The following MTSS2 variants were observed in gnomAD, a reference collection of about 807,000 sequenced individuals.
MTSS2 encodes MTSS I-BAR domain containing 2, also known as protein MTSS 2.
In MTSS2, 27 loss-of-function variants were observed where a neutral mutation model predicts 67.1. That is an observed-to-expected ratio of 0.40 (90% CI 0.30 to 0.55). MTSS2 has a LOEUF of 0.55. Ranked by LOEUF, MTSS2 falls within the 20% of genes least tolerant of loss-of-function variation. The pLI is 0.43. For synonymous variants in MTSS2, 624 were observed against 468.6 expected (o/e 1.33, Z -4.28); for missense variants, 1,171 against 1,067.8 (o/e 1.10, Z -1.35).
At chr16:70,683,708 G>C (rs572868995) in intron 1 of MTSS2, among the ~76,000 whole-genome samples, 8 of 152,116 alleles carry the variant, frequency 5.3e-5, no homozygotes, top group Non-Finnish European at 4.4e-5. Flanking sequence ...TGTGGGGCCT[G>C]TGGACTCACT....
At chr16:70,682,793 C>G (rs1298508151) in intron 1 of MTSS2, among the ~76,000 whole-genome samples, 1 of 152,148 alleles carries the variant, frequency 6.6e-6, no homozygotes, top group Admixed American at 6.5e-5. Flanking sequence ...GCCCCAGGAA[C>G]AGCATCCTCA....
rs2052573804 is a variant in MTSS2 at position 70,663,629 on chromosome 16, G to C, written c.*48C>G. ...CTGAGTGCCTGCGGCTCACAGACCA[G>C]GCCACCTGCTCGCACTGGGGCCTGA... On this transcript the variant is annotated 3_prime_UTR_variant, in exon 15 of 15. Coordinates refer to ENST00000338779, the MANE Select transcript of MTSS2 (RefSeq NM_138383.3). 1 of 1,503,990 alleles carries C rather than the reference G, an allele frequency of 6.6e-7. No individual in the cohort carries two copies. Among genetic ancestry groups the C allele is most frequent in the African/African-American group, 1.4e-5 (1 of 71,846 alleles). 93.2% of individuals were successfully genotyped at this position (1,503,990 alleles called of 1,614,324 possible). A position where few individuals can be genotyped will look rare whatever the true frequency, so the allele number is the denominator to read the frequency against.
chr16:70,664,977 G>T lies in MTSS2; in HGVS notation c.1248C>A (p.Gly416=). The T allele has an allele frequency of 6.3e-7, 1 of 1,583,942 alleles. No individual in the cohort carries two copies. ...GTCGCGGTGCCTCTTCCCCGCTGGG[G>T]CCCAGGGTGCCCCCACTGGCAGGGC... ...EPGPASGGTL[G]PSGEEAPRPR... The change falls in exon 13 of 15, where the codon GGC becomes GGA. Residue 416 remains glycine, a synonymous_variant. Coordinates refer to ENST00000338779, the MANE Select transcript of MTSS2 (RefSeq NM_138383.3).
At chr16:70,680,218 C>G (rs2053259730) in intron 3 of MTSS2, among the ~76,000 whole-genome samples, 163 bp from the exon 4 acceptor site, 1 of 151,810 alleles carries the variant, frequency 6.6e-6, no homozygotes, top group Non-Finnish European at 1.5e-5. Context: ...GGGGCCTCCT[C>G]CATCTCCACC....
chr16:70,677,109 C>A, intron 9 of MTSS2, 131 bp from the exon 10 acceptor site: 1 of 676,600 alleles, frequency 1.5e-6, no homozygotes, highest in South Asian at 2.0e-5. Context: ...CCCCCTCCCC[C>A]AGGCTCCTCC....
chr16:70,668,857 T>G (rs763015034), intron 11 of MTSS2, among the ~76,000 whole-genome samples: 9 of 152,214 alleles, frequency 5.9e-5, no homozygotes, highest in Non-Finnish European at 1.2e-4. Context: ...CCTCCAGAAC[T>G]GTGAGCGCTA....
In MTSS2 at chr16:70,674,526, G is replaced by T; in HGVS notation, c.833C>A (p.Ala278Asp). The T allele has an allele frequency of 1.9e-6, 3 of 1,612,430 alleles. No individual in the cohort carries two copies. The highest frequency in any genetic ancestry group is 2.5e-6 in the Non-Finnish European group (3 of 1,179,752). The change falls in exon 11 of 15, where the codon GCC becomes GAC. Residue 278 changes from alanine to aspartate, a missense_variant and splice_region_variant. Around this residue, in one of 2 missense-constraint regions of MTSS2, gnomAD observed 924 missense variants for 756.0 expected, o/e 1.22. Coordinates refer to ENST00000338779, the MANE Select transcript of MTSS2 (RefSeq NM_138383.3). ...CTTGGCACTGCTACTGCTGCTGGGG[G>T]CACTAGGGGAGTGAAGGAAGAGGGC... ...SSSRKSSMCS[A>D]PSSSSSAKGG...
chr16:70,665,832 A>G, intron 11 of MTSS2: 1 of 291,992 alleles, frequency 3.4e-6, no homozygotes, highest in Non-Finnish European at 6.4e-6. Context: ...ATGGCCACCG[A>G]GGGGAAAAAG....
intron 12 of MTSS2, 111 bp downstream of exon 12, chr16:70,665,355 C>T (rs1301705473): frequency 1.3e-5 from 16 of 1,191,546 alleles, no homozygotes; most frequent in East Asian, 2.6e-5. Context: ...GCTGTGTGCA[C>T]GCACCCCTGG....
Position 70,670,083 on chromosome 16 carries a change from C to A in MTSS2, c.1053+4223G>T, listed in dbSNP as rs528071214. ...GTCAGGAGTTTGAGACCTGCCTGGC[C>A]AACATGGCAAAACCCCATCTCTACT... On this transcript the variant is annotated intron_variant, in intron 11 of 14. Transcript: ENST00000338779. Among the ~76,000 whole-genome samples, 74 of 151,732 alleles carry A rather than the reference C, an allele frequency of 4.9e-4. No homozygotes were observed. The South Asian group carries it at 9.0e-3, about 18-fold the overall frequency.
At chr16:70,676,299 G>C (rs1163958631) in intron 10 of MTSS2, among the ~76,000 whole-genome samples, 1 of 152,240 alleles carries the variant, frequency 6.6e-6, no homozygotes, top group Non-Finnish European at 1.5e-5. Context: ...CCTCTCCCCA[G>C]CTGTGTGAGG....
chr16:70,679,425 G>T, intron 6 of MTSS2, 102 bp from the exon 7 acceptor site: 2 of 1,392,256 alleles, frequency 1.4e-6, no homozygotes, highest in Non-Finnish European at 2.0e-6. Flanking sequence ...GGGTGCCTGG[G>T]CCTCCTGCTG....
In MTSS2 at chr16:70,662,568, T is replaced by C. The variant is rs1597791063; in HGVS notation, c.*1109A>G. The C allele has an allele frequency of 6.6e-6, 1 of 152,378 alleles. No homozygotes were observed. The highest frequency in any genetic ancestry group is 1.5e-5 in the Non-Finnish European group (1 of 68,106). The allele number at this position is 152,378 out of a possible 1,614,324, so 9.4% of individuals were successfully genotyped here. On this transcript the variant is annotated 3_prime_UTR_variant, in exon 15 of 15. Transcript: ENST00000338779. ...AGGCCGGGAGCCTCCCAACCTTATT[T>C]TGGCTACGCTCGAGACACTGGAGAG...
Position 70,680,819 on chromosome 16 carries a change from C to G in MTSS2, c.180G>C (p.Val60=), listed in dbSNP as rs1000348016. 98 of 1,552,864 alleles carry G rather than the reference C, an allele frequency of 6.3e-5. No individual in the cohort carries two copies. Among genetic ancestry groups the G allele is most frequent in the Non-Finnish European group, 8.3e-5 (95 of 1,148,874 alleles). The part of the protein sequence containing the change: ...AVAFLDAFQK[V]ADMATNTRGA... Reference sequence around the variant, plus strand: ...CTCGGGTGTTGGTAGCCATGTCAGCCACTTTCTGGAAGGCATCCAGGAAGG... The same window carrying G: ...CTCGGGTGTTGGTAGCCATGTCAGCGACTTTCTGGAAGGCATCCAGGAAGG... Residue 60 remains valine (V), a synonymous_variant, in exon 3 of 15, where the codon GTG becomes GTC. Transcript: ENST00000338779.
At position 70,662,106 on chromosome 16, in the gene MTSS2, C is replaced by T. The variant is rs72792847; in HGVS notation, c.*1571G>A. On this transcript the variant is annotated 3_prime_UTR_variant, in exon 15 of 15. Coordinates refer to ENST00000338779, the MANE Select transcript of MTSS2 (RefSeq NM_138383.3). Reference sequence around the variant, plus strand: ...TCCACATCAGGGCCTGCTTGGTGCCCGGACCTACCCAGGAGCTGCCCAGCT... The same window carrying T: ...TCCACATCAGGGCCTGCTTGGTGCCTGGACCTACCCAGGAGCTGCCCAGCT... 0.16 allele frequency: 24,594 copies of T among 152,074 alleles called. 2,170 individuals are homozygous for T. Among genetic ancestry groups the T allele is most frequent in the South Asian group, 0.2 (985 of 4,812 alleles). 9.4% of individuals were successfully genotyped at this position (152,074 alleles called of 1,614,324 possible). A position where few individuals can be genotyped will look rare whatever the true frequency, so the allele number is the denominator to read the frequency against.
At chr16:70,682,925 T>C (rs2053345544) in intron 1 of MTSS2, among the ~76,000 whole-genome samples, 2 of 152,132 alleles carry the variant, frequency 1.3e-5, no homozygotes, top group Admixed American at 1.3e-4. Flanking sequence ...GGTCAGGACC[T>C]GATCCCATGT....
At position 70,662,199 on chromosome 16, in the gene MTSS2, TCA is replaced by T. The variant is rs2052506603; in HGVS notation, c.*1476_*1477del. ...GACCCAGCTCCATTCTATCAATCAA[TCA>T]ATCAATCATCAAGACCAAGGTGCTC... On this transcript the variant is annotated 3_prime_UTR_variant, in exon 15 of 15. Coordinates refer to ENST00000338779, the MANE Select transcript of MTSS2 (RefSeq NM_138383.3). 1 of 152,026 alleles carries T rather than the reference TCA, an allele frequency of 6.6e-6. No homozygotes were observed. Among genetic ancestry groups the T allele is most frequent in the Admixed American group, 6.6e-5 (1 of 15,260 alleles). The allele number at this position is 152,026 out of a possible 1,614,324, so 9.4% of individuals were successfully genotyped here. A position where few individuals can be genotyped will look rare whatever the true frequency, so the allele number is the denominator to read the frequency against.
rs778507951 is a variant in MTSS2, at chr16:70,678,390, G to A, written c.486C>T (p.Pro162=). Reference sequence around the variant, plus strand: ...CGTCCTGCAGGGCACTGTCCAGCTGGGGCTGCAGGTCTCCTTTCCCTGGAG... The same window carrying A: ...CGTCCTGCAGGGCACTGTCCAGCTGAGGCTGCAGGTCTCCTTTCCCTGGAG... ...KELLGKGDLQ[P]QLDSALQDVN... Residue 162 remains proline, a synonymous_variant, in exon 8 of 15, where the codon CCC becomes CCT. Transcript: ENST00000338779. 3.7e-6 allele frequency: 6 copies of A among 1,611,370 alleles called. No homozygotes were observed. The highest frequency in any genetic ancestry group is 5.1e-6 in the Non-Finnish European group (6 of 1,179,324).
In MTSS2 at chr16:70,676,883, G is replaced by A; in HGVS notation, c.828C>T (p.Cys276=). Residue 276 remains cysteine, a splice_region_variant and synonymous_variant, in exon 10 of 15, where the codon TGC becomes TGT. Transcript: ENST00000338779. ...SSSSSRKSSM[C]SAPSSSSSAK... ...CTGGGAACCCCACCCCCACTGACCT[G>A]CACATGCTGGACTTCCGGGAGCTGG... 1.4e-5 allele frequency: 23 copies of A among 1,612,796 alleles called. No individual in the cohort carries two copies. Among genetic ancestry groups the A allele is most frequent in the Non-Finnish European group, 1.9e-5 (23 of 1,179,854 alleles).
Sources: allele counts gnomAD v4.1 joint callset (sites outside exome capture counted in the v4.1 genomes callset), GRCh38; gene constraint gnomAD v4.1.1; regional missense constraint gnomAD v4.1.1; transcripts MANE v1.5; gene names NCBI Gene and HGNC (gene_info 2026-07-23, HGNC 2026-07-21).